TAB2: variants seen among roughly 807,000 people sequenced by gnomAD.
TAB2 encodes TGF-beta-activated kinase 1 and MAP3K7-binding protein 2.
TAB2 carries 3 observed loss-of-function variants against 65.0 expected under a neutral mutation model. That is an observed-to-expected ratio of 0.05 (90% CI 0.02 to 0.12). The LOEUF (loss-of-function observed/expected upper bound fraction) is 0.12. TAB2 is among the 10% of genes least tolerant of loss of function. The pLI is 1.00. For missense variants in TAB2, 623 were observed against 840.3 expected (o/e 0.74, Z 3.20); for synonymous variants, 298 against 285.1 (o/e 1.05, Z -0.46).
chr6:149,235,114 G>C (rs991704167), intron 1 of TAB2, among the ~76,000 whole-genome samples: 3 of 152,200 alleles, frequency 2.0e-5, no homozygotes, highest in African/African-American at 7.2e-5. Flanking sequence ...TGAGTTCAGA[G>C]TGGAGCATAA....
At chr6:149,251,481 A>G (rs1453958518) in intron 1 of TAB2, among the ~76,000 whole-genome samples, 1 of 152,228 alleles carries the variant, frequency 6.6e-6, no homozygotes, top group Non-Finnish European at 1.5e-5. Flanking sequence ...TAAAACAATG[A>G]TAGAATTTTG....
At chr6:149,254,059 G>GGAAGGAAGGAAGGAAGGA (rs1777941371) in intron 1 of TAB2, among the ~76,000 whole-genome samples, 6 of 103,662 alleles carry the variant, frequency 5.8e-5, no homozygotes, top group African/African-American at 2.2e-4. Context: ...GGGAGAGAGG[G>GGAAGGAAGGAAGGAAGGA]AGGAAGGAAG....
intron 1 of TAB2, among the ~76,000 whole-genome samples, chr6:149,287,686 A>G (rs1482634320): frequency 6.6e-6 from 1 of 152,150 alleles, no homozygotes; most frequent in East Asian, 1.9e-4. Flanking sequence ...TACTGTGCCT[A>G]GTTTTATTTT....
At chr6:149,307,932 TCAGA>T (rs1285142928) in intron 1 of TAB2, among the ~76,000 whole-genome samples, 3 of 152,226 alleles carry the variant, frequency 2.0e-5, no homozygotes, top group African/African-American at 7.2e-5. Context: ...ATACCCACAT[TCAGA>T]CAAACACCCA....
rs569213157 is a variant in TAB2, at chr6:149,344,717, G to A, written c.-89-25192G>A. On this transcript the variant is annotated intron_variant, in intron 1 of 6. Coordinates refer to ENST00000637181, the MANE Select transcript of TAB2 (RefSeq NM_001292034.3). The stretch of plus-strand genomic sequence containing the variant: ...TGAATCTTTTGAAAAGCTGACTACC[G>A]TAGAGTGAGGGTTGAATTGATGAAG... Among the ~76,000 whole-genome samples the A allele has an allele frequency of 4.6e-5, 7 of 152,288 alleles. No homozygotes were observed. The South Asian group carries it at 8.3e-4, about 18-fold the overall frequency.
intron 1 of TAB2, among the ~76,000 whole-genome samples, chr6:149,286,389 T>C (rs1165808921): frequency 1.3e-5 from 2 of 152,256 alleles, no homozygotes; most frequent in African/African-American, 4.8e-5. Context: ...TAATACTTGA[T>C]ATTATTCTAC....
chr6:149,325,611 GTTC>G (rs1400157366), intron 1 of TAB2, among the ~76,000 whole-genome samples: 1 of 152,114 alleles, frequency 6.6e-6, no homozygotes. Flanking sequence ...CTATAATATA[GTTC>G]TTCTTTAGGA....
chr6:149,267,389 A>C (rs897513336), intron 1 of TAB2, among the ~76,000 whole-genome samples: 4 of 152,212 alleles, frequency 2.6e-5, no homozygotes, highest in African/African-American at 9.6e-5. Context: ...GGGTCCTTGC[A>C]CCAGTGTCAC....
intron 1 of TAB2, among the ~76,000 whole-genome samples, chr6:149,292,043 A>G (rs1778788308): frequency 6.6e-6 from 1 of 152,248 alleles, no homozygotes; most frequent in Non-Finnish European, 1.5e-5. Flanking sequence ...GAAAAGTTAT[A>G]AAGCAACATA....
At chr6:149,381,735 G>A (rs1781617027) in intron 3 of TAB2, among the ~76,000 whole-genome samples, 1 of 151,766 alleles carries the variant, frequency 6.6e-6, no homozygotes, top group South Asian at 2.1e-4. Context: ...ACCACATCCA[G>A]CTAACTTTTT....
At chr6:149,309,203 C>T (rs1779123935) in intron 1 of TAB2, among the ~76,000 whole-genome samples, 1 of 152,090 alleles carries the variant, frequency 6.6e-6, no homozygotes, top group Non-Finnish European at 1.5e-5. Context: ...CTTCACATAT[C>T]AAGATTATGA....
At chr6:149,263,859 G>C (rs1055666829) in intron 1 of TAB2, among the ~76,000 whole-genome samples, 1 of 152,224 alleles carries the variant, frequency 6.6e-6, no homozygotes, top group African/African-American at 2.4e-5. Flanking sequence ...ATCTCTGTAG[G>C]CTGCCTAGTA....
intron 1 of TAB2, among the ~76,000 whole-genome samples, chr6:149,299,908 T>G (rs983812668): frequency 1.3e-5 from 2 of 151,972 alleles, no homozygotes; most frequent in Middle Eastern, 3.2e-3. Flanking sequence ...CTCTGGAGGT[T>G]GAAGCAGGAG....
chr6:149,245,972 T>G (rs1370590002), intron 1 of TAB2: 2 of 151,966 alleles, frequency 1.3e-5, no homozygotes, highest in Non-Finnish European at 2.9e-5. Context: ...CAGGCTGGAG[T>G]GCAGTGGCAC....
At chr6:149,383,293 T>C (rs906560908) in intron 3 of TAB2, among the ~76,000 whole-genome samples, 1 of 152,194 alleles carries the variant, frequency 6.6e-6, no homozygotes, top group Non-Finnish European at 1.5e-5. Context: ...GTCTGTGGTT[T>C]GAGAGCTTAA....
intron 1 of TAB2, among the ~76,000 whole-genome samples, chr6:149,322,448 G>A (rs557607705): frequency 1.5e-4 from 23 of 152,068 alleles, no homozygotes; most frequent in Non-Finnish European, 3.1e-4. Context: ...ATACTTCAAA[G>A]TTACAGAGTT....
chr6:149,269,279 C>G (rs535402994), intron 1 of TAB2, among the ~76,000 whole-genome samples: 5 of 152,230 alleles, frequency 3.3e-5, no homozygotes, highest in Admixed American at 6.5e-5. Context: ...AGCCTAGGAC[C>G]TATTTTCTCC....
chr6:149,272,834 A>T (rs536694618), intron 1 of TAB2, among the ~76,000 whole-genome samples: 3 of 152,334 alleles, frequency 2.0e-5, no homozygotes, highest in African/African-American at 7.2e-5. Context: ...CTTTGGCAAT[A>T]TCTGAAAACA....
At chr6:149,233,522 G>A (rs567440778) in intron 1 of TAB2, among the ~76,000 whole-genome samples, 5 of 152,282 alleles carry the variant, frequency 3.3e-5, no homozygotes, top group Admixed American at 1.3e-4. Context: ...GCCTCTTAAA[G>A]GCCAGAAGTG....
Sources: allele counts gnomAD v4.1 joint callset (sites outside exome capture counted in the v4.1 genomes callset), GRCh38; gene constraint gnomAD v4.1.1; transcripts MANE v1.5; gene names NCBI Gene and HGNC (gene_info 2026-07-23, HGNC 2026-07-21).